Variants in MYO5C observed in about 807,000 individuals in gnomAD.
MYO5C encodes myosin VC.
In MYO5C, 194 loss-of-function variants were observed where a neutral mutation model predicts 235.7. The ratio of observed to expected loss-of-function variants is 0.82; its 90% CI spans 0.73 to 0.93. The LOEUF (loss-of-function observed/expected upper bound fraction) is 0.93, where lower values mean the gene tolerates loss of function less well. Among genes scored for constraint, MYO5C ranks in the 40% least tolerant of loss-of-function variants. The pLI, the probability that MYO5C is intolerant of heterozygous loss-of-function variation, is 0.00. For missense variants in MYO5C, 2,038 were observed against 2,127.2 expected, an observed-to-expected ratio of 0.96 and a Z score of 0.82; for synonymous variants, 707 against 754.8, an observed-to-expected ratio of 0.94 and a Z score of 1.04.
intron 35 of MYO5C, among the ~76,000 whole-genome samples, chr15:52,211,401 A>G (rs543079610): frequency 5.3e-5 from 8 of 152,148 alleles, no homozygotes; most frequent in Non-Finnish European, 1.2e-4. Flanking sequence ...ATAATTTTTC[A>G]CTCCATTTCA....
At chr15:52,225,018 T>C (rs1200817053) in intron 27 of MYO5C, 37 bp from the exon 28 acceptor site, 3 of 1,613,024 alleles carry the variant, frequency 1.9e-6, no homozygotes. Context: ...CTATCATCTC[T>C]GTCACGTTTT....
intron 33 of MYO5C, chr15:52,213,649 C>G (rs754492572): frequency 2.1e-5 from 4 of 193,554 alleles, no homozygotes; most frequent in Non-Finnish European, 4.4e-5. Flanking sequence ...GTGCAAAATA[C>G]CAATGTGCAT....
intron 24 of MYO5C, among the ~76,000 whole-genome samples, chr15:52,230,408 A>ATT (rs201714357): frequency 1.4e-5 from 2 of 146,222 alleles, no homozygotes; most frequent in African/African-American, 2.5e-5. Flanking sequence ...TTTTTTATAG[A>ATT]TTTTTTTTTT....
At chr15:52,247,631 C>A in intron 14 of MYO5C, 39 bp from the exon 15 acceptor site, 7 of 1,609,606 alleles carry the variant, frequency 4.3e-6, no homozygotes, top group Non-Finnish European at 5.9e-6. Flanking sequence ...CCAAAAGCAA[C>A]TGCCCACAGT....
chr15:52,277,802 T>C, intron 4 of MYO5C: 1 of 454,208 alleles, frequency 2.2e-6, no homozygotes, highest in South Asian at 1.6e-5. Flanking sequence ...AGCCCCAGAC[T>C]GCCCATCAGA....
intron 30 of MYO5C, 82 bp downstream of exon 30, chr15:52,221,080 C>A: frequency 9.1e-7 from 1 of 1,096,346 alleles, no homozygotes; most frequent in Non-Finnish European, 1.3e-6. Flanking sequence ...TTTAAAAGCC[C>A]TGAGTACAAG....
chr15:52,288,066 T>C (rs2037313852), intron 1 of MYO5C, among the ~76,000 whole-genome samples: 1 of 152,132 alleles, frequency 6.6e-6, no homozygotes, highest in Non-Finnish European at 1.5e-5. Context: ...CTGAGAGCCC[T>C]GGGGGCCTTC....
chr15:52,232,202 G>GGAGAGAAA (rs2035969825), intron 24 of MYO5C, among the ~76,000 whole-genome samples: 1 of 98,062 alleles, frequency 1.0e-5, no homozygotes, highest in African/African-American at 4.0e-5. Flanking sequence ...GAGGAAGGAA[G>GGAGAGAAA]GAAGGAAAAG....
At chr15:52,260,713 A>G (rs1397948244) in intron 10 of MYO5C, 149 bp downstream of exon 10, 15 of 794,460 alleles carry the variant, frequency 1.9e-5, no homozygotes, top group Non-Finnish European at 2.7e-5. Context: ...AGCCCAGGAG[A>G]GTGTACTTAG....
At chr15:52,236,511 C>T (rs150733568) in intron 22 of MYO5C, among the ~76,000 whole-genome samples, 2 of 152,296 alleles carry the variant, frequency 1.3e-5, no homozygotes, top group Admixed American at 6.5e-5. Flanking sequence ...CCCACCTCTA[C>T]CAAAAATACA....
At chr15:52,237,151 C>A in intron 22 of MYO5C, 2 of 191,792 alleles carry the variant, frequency 1.0e-5, no homozygotes, top group Non-Finnish European at 2.1e-5. Flanking sequence ...AGGGCATAGA[C>A]CTTAAGGACA....
chr15:52,281,339 C>T (rs1469986202), intron 2 of MYO5C, among the ~76,000 whole-genome samples: 2 of 152,338 alleles, frequency 1.3e-5, no homozygotes, highest in East Asian at 3.9e-4. Context: ...GGCTGCCCGC[C>T]ATCCTACTCA....
At chr15:52,274,983 T>C (rs1183133810) in intron 5 of MYO5C, among the ~76,000 whole-genome samples, 1 of 152,196 alleles carries the variant, frequency 6.6e-6, no homozygotes, top group Non-Finnish European at 1.5e-5. Flanking sequence ...GCCTTTTGGG[T>C]GCCTCTTCTT....
intron 17 of MYO5C, among the ~76,000 whole-genome samples, chr15:52,245,742 C>A (rs1386713097): frequency 6.6e-6 from 1 of 152,230 alleles, no homozygotes; most frequent in Non-Finnish European, 1.5e-5. Flanking sequence ...AGCCGAGATG[C>A]AGTGATGGGG....
rs976873522 is a variant in MYO5C at position 52,260,906 on chromosome 15, A to C, written c.1269T>G (p.Phe423Leu). 1 of 1,614,226 alleles carries C rather than the reference A, an allele frequency of 6.2e-7. No homozygotes were observed. Among genetic ancestry groups the C allele is most frequent in the African/African-American group, 1.3e-5 (1 of 75,050 alleles). Reference sequence around the variant, plus strand: ...CAATAAAAGTGTGCTGCTTGCCTGAAAACTGCAACGCTTGGTTAATTCTCT... The same window carrying C: ...CAATAAAAGTGTGCTGCTTGCCTGACAACTGCAACGCTTGGTTAATTCTCT... ...IVERINQALQ[F>L]SGKQHTFIGV... Residue 423 changes from phenylalanine to leucine, a missense_variant, in exon 10 of 41, where the codon TTT becomes TTG. By Grantham distance (22) the Phe-to-Leu change is conservative (BLOSUM62 0). Transcript: ENST00000261839.
intron 13 of MYO5C, 78 bp from the exon 14 acceptor site, chr15:52,248,861 T>A (rs1419086746): frequency 2.0e-6 from 2 of 985,058 alleles, no homozygotes; most frequent in African/African-American, 1.7e-5. Context: ...ATCTCTTTTT[T>A]AAGAAAGATT....
chr15:52,254,607 GAGGATCTACACATTGATGGATGACTC>G (rs1340759490), intron 11 of MYO5C, among the ~76,000 whole-genome samples: 2 of 131,152 alleles, frequency 1.5e-5, no homozygotes, highest in Non-Finnish European at 3.4e-5. Context: ...CCCCTCCTGG[GAGGATCTACACATTGATGGATGACTC>G]AGAAAAAGGA....
At chr15:52,218,344 C>A (rs1408457467) in intron 32 of MYO5C, among the ~76,000 whole-genome samples, 175 bp downstream of exon 32, 1 of 152,162 alleles carries the variant, frequency 6.6e-6, no homozygotes, top group Non-Finnish European at 1.5e-5. Context: ...GTCCCCAAGG[C>A]CTTCCCAAAG....
chr15:52,243,516 C>T (rs1269038690), intron 19 of MYO5C: 1 of 152,386 alleles, frequency 6.6e-6, no homozygotes, highest in Non-Finnish European at 1.5e-5. Context: ...ATCCATGCCA[C>T]ACCACGCTGG....
Sources: allele counts gnomAD v4.1 joint callset (sites outside exome capture counted in the v4.1 genomes callset), GRCh38; gene constraint gnomAD v4.1.1; transcripts MANE v1.5; gene names NCBI Gene and HGNC (gene_info 2026-07-23, HGNC 2026-07-21).